Variants in TNRC6B observed in about 807,000 individuals in gnomAD.
TNRC6B encodes trinucleotide repeat containing adaptor 6B.
In TNRC6B, 52 loss-of-function variants were observed where a neutral mutation model predicts 203.6. That is an observed-to-expected ratio of 0.26 (90% CI 0.20 to 0.32). The LOEUF is 0.32. Among genes scored for constraint, TNRC6B ranks in the 10% least tolerant of loss-of-function variants. The probability of loss-of-function intolerance (pLI) is 1.00; values close to 1 mark genes in which losing one functional copy is unlikely to be tolerated. For missense variants in TNRC6B, 1,923 were observed against 2,286.2 expected (o/e 0.84, Z 3.24); for synonymous variants, 838 against 845.7 (o/e 0.99, Z 0.16).
chr22:40,281,059 C>G (rs1320919319), intron 10 of TNRC6B, 60 bp from the exon 11 acceptor site: 2 of 1,353,116 alleles, frequency 1.5e-6, no homozygotes, highest in African/African-American at 3.0e-5. Context: ...TCCCTTCTTG[C>G]ATTCTGTTGC....
At position 40,331,039 on chromosome 22, in the gene TNRC6B, T is replaced by G. The variant is rs980498605; in HGVS notation, c.*7798T>G. 3.9e-5 allele frequency: 6 copies of G among 152,654 alleles called. No individual in the cohort carries two copies. The highest frequency in any genetic ancestry group is 1.4e-4 in the African/African-American group (6 of 41,450). 9.5% of individuals were successfully genotyped at this position (152,654 alleles called of 1,614,324 possible). A position where few individuals can be genotyped will look rare whatever the true frequency, so the allele number is the denominator to read the frequency against. ...GCTCATGTGGCTTTGGCTGTTTTGT[T>G]TTTTGTTTTTCTGTAAGCACTGGAG... On this transcript the variant is annotated 3_prime_UTR_variant, in exon 23 of 23. Transcript: ENST00000454349.
chr22:40,140,045 T>G (rs954145265), intron 3 of TNRC6B, among the ~76,000 whole-genome samples: 2 of 152,216 alleles, frequency 1.3e-5, no homozygotes, highest in African/African-American at 4.8e-5. Flanking sequence ...GGTTCATACA[T>G]TTCCATGTGG....
rs150478933 is a variant in TNRC6B, at chr22:40,255,843, C to CTTGT, written c.115+4666_115+4669dup. On this transcript the variant is annotated intron_variant, in intron 3 of 22. Transcript: ENST00000454349. ...GTCTATTAATGCAGGTGTTTGTTTG[C>CTTGT]TTGTTTGTTTGTTTGTTTGTTTGTT... 2.0e-3 allele frequency among the ~76,000 whole-genome samples: 308 copies of CTTGT among 151,686 alleles called. 1 individual carries two copies. Among genetic ancestry groups the CTTGT allele is most frequent in the African/African-American group, 3.7e-3 (154 of 41,360 alleles).
chr22:40,298,276 C>A (rs778900755), intron 12 of TNRC6B, among the ~76,000 whole-genome samples: 1 of 152,078 alleles, frequency 6.6e-6, no homozygotes, highest in Admixed American at 6.6e-5. Flanking sequence ...TCAGGAGTTA[C>A]AATCACCAGA....
chr22:40,238,306 T>C (rs2069976068), intron 1 of TNRC6B, among the ~76,000 whole-genome samples: 1 of 152,164 alleles, frequency 6.6e-6, no homozygotes, highest in Non-Finnish European at 1.5e-5. Context: ...GGTTGACAGC[T>C]GAGGAGAGAG....
At chr22:40,250,831 A>G (rs1474970032) in intron 2 of TNRC6B, among the ~76,000 whole-genome samples, 3 of 151,868 alleles carry the variant, frequency 2.0e-5, no homozygotes, top group Non-Finnish European at 4.4e-5. Context: ...GTCTATGGCT[A>G]ATTTAGTTTC....
chr22:40,051,630 G>A (rs547565700), intron 1 of TNRC6B, among the ~76,000 whole-genome samples: 4 of 152,270 alleles, frequency 2.6e-5, no homozygotes, highest in Admixed American at 2.0e-4. Flanking sequence ...CAGTTTGAAA[G>A]CCTTCAATGG....
intron 1 of TNRC6B, among the ~76,000 whole-genome samples, chr22:40,188,359 T>C (rs2069231530): frequency 1.3e-5 from 2 of 152,202 alleles, no homozygotes; most frequent in Admixed American, 6.5e-5. Flanking sequence ...TGAAGTGCCC[T>C]GTCAGAGTTT....
intron 16 of TNRC6B, among the ~76,000 whole-genome samples, chr22:40,309,864 A>C (rs960198427): frequency 6.6e-6 from 1 of 152,166 alleles, no homozygotes; most frequent in Non-Finnish European, 1.5e-5. Context: ...AGAAAAGTAA[A>C]TGCCCTCTTA....
chr22:40,081,315 T>G (rs1222293181), intron 1 of TNRC6B, among the ~76,000 whole-genome samples: 4 of 148,502 alleles, frequency 2.7e-5, no homozygotes, highest in Non-Finnish European at 4.4e-5. Flanking sequence ...GTGTTTTTTT[T>G]TTTTTTTTTT....
intron 11 of TNRC6B, among the ~76,000 whole-genome samples, chr22:40,284,484 C>G (rs2070758411): frequency 1.3e-5 from 2 of 152,100 alleles, no homozygotes; most frequent in African/African-American, 4.8e-5. Context: ...ATGCAGCTGT[C>G]TTTGCTGAAG....
At chr22:40,047,460 G>A (rs980352046) in intron 1 of TNRC6B, among the ~76,000 whole-genome samples, 24 of 152,148 alleles carry the variant, frequency 1.6e-4, no homozygotes, top group Middle Eastern at 3.4e-3. Context: ...AAAATTAGCC[G>A]GGCGTGGTGG....
At chr22:40,093,883 A>G (rs1488479064) in intron 1 of TNRC6B, among the ~76,000 whole-genome samples, 2 of 152,162 alleles carry the variant, frequency 1.3e-5, no homozygotes, top group South Asian at 2.1e-4. Context: ...ATGATCTAGT[A>G]TTTGGTAGCA....
chr22:40,241,281 A>G (rs2070024975), intron 1 of TNRC6B, among the ~76,000 whole-genome samples: 1 of 152,228 alleles, frequency 6.6e-6, no homozygotes, highest in South Asian at 2.1e-4. Context: ...TTCTAACAAA[A>G]AGAACATTCT....
intron 1 of TNRC6B, among the ~76,000 whole-genome samples, chr22:40,061,420 A>G (rs111323454): frequency 0.032 from 4,734 of 150,204 alleles, 257 homozygotes; most frequent in African/African-American, 0.11. Flanking sequence ...ACAGGGTTTC[A>G]CCATGTTGGC....
chr22:40,114,793 T>C (rs868044745), intron 1 of TNRC6B, among the ~76,000 whole-genome samples: 1 of 152,196 alleles, frequency 6.6e-6, no homozygotes, highest in Admixed American at 6.5e-5. Context: ...CTGCTGCAGC[T>C]GTACCTGATC....
intron 3 of TNRC6B, among the ~76,000 whole-genome samples, chr22:40,258,071 CTTTTTTT>C (rs56078653): frequency 1.1e-3 from 31 of 28,714 alleles, no homozygotes; most frequent in East Asian, 3.7e-3. Context: ...GATACACAGC[CTTTTTTT>C]TTTTTTTTTT....
At chr22:40,182,585 A>C (rs1180077180) in intron 1 of TNRC6B, among the ~76,000 whole-genome samples, 1 of 152,244 alleles carries the variant, frequency 6.6e-6, no homozygotes, top group Non-Finnish European at 1.5e-5. Flanking sequence ...TTTATTAAGC[A>C]CTGATGTAGG....
At chr22:40,060,144 C>CT (rs1175503527) in intron 1 of TNRC6B, among the ~76,000 whole-genome samples, 2,236 of 125,264 alleles carry the variant, frequency 0.018, 24 homozygotes, top group Non-Finnish European at 0.025. Flanking sequence ...TTTTTTTTTT[C>CT]TTTTTTTTTT....
Sources: gnomAD v4.1 joint callset for allele counts (sites outside exome capture counted in the v4.1 genomes callset) on GRCh38, gnomAD v4.1.1 for gene constraint, MANE v1.5 for transcripts, NCBI Gene and HGNC (gene_info 2026-07-23, HGNC 2026-07-21) for gene names.